The following LMLN variants were observed in gnomAD, a reference collection of about 807,000 sequenced individuals.
LMLN encodes leishmanolysin-like peptidase.
A neutral mutation model predicts 92.3 loss-of-function variants in LMLN; 70 were observed. The observed-to-expected ratio is 0.76, with a 90% CI of 0.63 to 0.92. LMLN has a LOEUF of 0.92. LMLN is among the 40% of genes least tolerant of loss of function. The pLI is 0.00. For synonymous variants in LMLN, 308 were observed against 296.2 expected (o/e 1.04, Z -0.41); for missense variants, 691 against 814.6 (o/e 0.85, Z 1.85).
At chr3:197,966,645 A>G (rs1721068905) in intron 1 of LMLN, among the ~76,000 whole-genome samples, 1 of 142,374 alleles carries the variant, frequency 7.0e-6, no homozygotes, top group South Asian at 2.2e-4. Flanking sequence ...TACTCTGTTG[A>G]TATTATGAGT....
chr3:197,989,867 A>G (rs969337567), intron 8 of LMLN, among the ~76,000 whole-genome samples: 2 of 152,114 alleles, frequency 1.3e-5, no homozygotes, highest in African/African-American at 4.8e-5. Context: ...AACAAAAAAT[A>G]AAAAATAAAT....
At chr3:197,976,931 C>T (rs775732670) in intron 5 of LMLN, among the ~76,000 whole-genome samples, 8 of 152,230 alleles carry the variant, frequency 5.3e-5, no homozygotes, top group Non-Finnish European at 1.0e-4. Context: ...CTCCTTGCCC[C>T]TGTTTATCTT....
At chr3:198,020,766 G>GTTTGTTTT (rs1260852398) in intron 12 of LMLN, among the ~76,000 whole-genome samples, 297 of 25,622 alleles carry the variant, frequency 0.012, 8 homozygotes, top group African/African-American at 0.051. Context: ...GCTAATTTTT[G>GTTTGTTTT]TATTTTTTTT....
intron 14 of LMLN, among the ~76,000 whole-genome samples, chr3:198,028,452 A>G (rs1473991581): frequency 2.6e-5 from 4 of 152,252 alleles, no homozygotes; most frequent in African/African-American, 9.6e-5. Context: ...ATAAATAAGA[A>G]TAAATGAAAT....
chr3:198,007,261 T>C (rs1722319908), intron 11 of LMLN, among the ~76,000 whole-genome samples: 1 of 152,230 alleles, frequency 6.6e-6, no homozygotes, highest in Non-Finnish European at 1.5e-5. Flanking sequence ...TTTGCCAAGC[T>C]CTAGATCTTG....
At chr3:197,984,224 G>C (rs1721636133) in intron 7 of LMLN, among the ~76,000 whole-genome samples, 176 bp downstream of exon 7, 1 of 151,732 alleles carries the variant, frequency 6.6e-6, no homozygotes. Flanking sequence ...AAAATTAGCG[G>C]GGCATGGTGG....
chr3:197,990,664 G>C (rs774506475), exon 9 of LMLN: 14 of 1,528,944 alleles, frequency 9.2e-6, no homozygotes, highest in African/African-American at 4.1e-5. Context: ...TCCTGGTAAC[G>C]CCTCGTGTTG....
chr3:197,994,101 C>T (rs1407877789), intron 9 of LMLN, among the ~76,000 whole-genome samples: 1 of 152,052 alleles, frequency 6.6e-6, no homozygotes, highest in African/African-American at 2.4e-5. Flanking sequence ...TATCTCACAC[C>T]ATATATACAA....
At chr3:197,985,996 G>A (rs1280254901) in intron 8 of LMLN, 106 bp downstream of exon 8, 2 of 679,350 alleles carry the variant, frequency 2.9e-6, no homozygotes, top group Non-Finnish European at 5.0e-6. Context: ...TGTCTTCATG[G>A]CAAACCTAAG....
At chr3:198,001,219 T>C (rs1213471780) in intron 11 of LMLN, among the ~76,000 whole-genome samples, 2 of 152,242 alleles carry the variant, frequency 1.3e-5, no homozygotes, top group Non-Finnish European at 2.9e-5. Flanking sequence ...CTGTCTTCCC[T>C]ACTAGATTAT....
intron 5 of LMLN, 53 bp downstream of exon 5, chr3:197,976,768 TGTGA>T: frequency 1.1e-6 from 1 of 895,690 alleles, no homozygotes; most frequent in Non-Finnish European, 1.6e-6. Flanking sequence ...ATTTTGAATT[TGTGA>T]GTGTCACAGA....
intron 11 of LMLN, 96 bp downstream of exon 12, chr3:198,003,221 T>C: frequency 6.0e-6 from 4 of 672,152 alleles, no homozygotes; most frequent in Non-Finnish European, 9.8e-6. Flanking sequence ...CAAAATGTAG[T>C]CTGAGCAGTT....
At chr3:197,973,467 C>T (rs1361547759) in intron 1 of LMLN, among the ~76,000 whole-genome samples, 3 of 152,132 alleles carry the variant, frequency 2.0e-5, no homozygotes, top group Non-Finnish European at 4.4e-5. Context: ...TGGTCTCAGT[C>T]TCCTGACCTT....
chr3:198,021,376 G>C (rs932992793), intron 12 of LMLN, 70 bp from the exon 14 acceptor site: 9 of 1,396,022 alleles, frequency 6.4e-6, no homozygotes, highest in Admixed American at 3.6e-5. Context: ...GCGAGAAATT[G>C]CCTGTGCACT....
chr3:197,980,243 G>T, intron 5 of LMLN, 83 bp from the exon 6 acceptor site: 1 of 1,145,838 alleles, frequency 8.7e-7, no homozygotes. Context: ...TGTGTTTATA[G>T]TGTAGATTTT....
intron 9 of LMLN, among the ~76,000 whole-genome samples, chr3:197,995,747 A>C (rs1031528797): frequency 6.6e-5 from 10 of 152,214 alleles, no homozygotes; most frequent in African/African-American, 2.4e-4. Flanking sequence ...TCTCACAAAA[A>C]AAGTATTTGA....
At chr3:198,038,727 A>G in exon 16 of LMLN, 2 of 1,341,568 alleles carry the variant, frequency 1.5e-6, no homozygotes, top group Non-Finnish European at 2.1e-6. Context: ...AACAAAGCAC[A>G]AAGTTTGAGT....
chr3:197,967,994 A>G (rs1721106931), intron 1 of LMLN, among the ~76,000 whole-genome samples: 1 of 152,164 alleles, frequency 6.6e-6, no homozygotes, highest in South Asian at 2.1e-4. Flanking sequence ...CTTGTTCCCT[A>G]AAATTGCTGT....
At chr3:198,032,907 G>A (rs531484986) in intron 14 of LMLN, among the ~76,000 whole-genome samples, 1 of 152,360 alleles carries the variant, frequency 6.6e-6, no homozygotes, top group South Asian at 2.1e-4. Flanking sequence ...CTCTGAAACA[G>A]ACGTTTGTCT....
Sources: gnomAD v4.1 joint callset for allele counts (sites outside exome capture counted in the v4.1 genomes callset) on GRCh38, gnomAD v4.1.1 for gene constraint, MANE v1.5 for transcripts, NCBI Gene and HGNC (gene_info 2026-07-23, HGNC 2026-07-21) for gene names.